The following MACF1 variants were observed in gnomAD, a reference collection of about 807,000 sequenced individuals.
The protein encoded by MACF1 is microtubule-actin cross-linking factor 1.
MACF1 carries 193 observed loss-of-function variants against 854.8 expected under a neutral mutation model. The observed-to-expected ratio is 0.23, with a 90% CI of 0.20 to 0.25. The LOEUF (loss-of-function observed/expected upper bound fraction) is 0.25. Ranked by LOEUF, MACF1 falls within the 10% of genes least tolerant of loss-of-function variation. The pLI, the probability that MACF1 is intolerant of heterozygous loss-of-function variation, is 1.00. For missense variants in MACF1, 7,722 were observed against 8,929.1 expected, an observed-to-expected ratio of 0.86 and a Z score of 5.45; for synonymous variants, 3,185 against 3,226.7, an observed-to-expected ratio of 0.99 and a Z score of 0.44.
chr1:39,192,900 A>G (rs1571157226), intron 2 of MACF1, among the ~76,000 whole-genome samples: 2 of 152,350 alleles, frequency 1.3e-5, no homozygotes, highest in Admixed American at 6.5e-5. Flanking sequence ...ACCTGAGGTC[A>G]GGAGTTCGAG....
intron 2 of MACF1, among the ~76,000 whole-genome samples, chr1:39,111,483 T>C (rs11205649): frequency 0.97 from 148,050 of 151,928 alleles, 72,227 homozygotes; most frequent in South Asian, 1. Flanking sequence ...CCCAGGTTCA[T>C]GCCATTCTCC....
chr1:39,306,428 C>T (rs750961651), intron 23 of MACF1, among the ~76,000 whole-genome samples: 11 of 151,856 alleles, frequency 7.2e-5, no homozygotes, highest in Non-Finnish European at 1.6e-4. Flanking sequence ...GCACCTGGCC[C>T]CTGTTTTATT....
At chr1:39,483,254 T>C (rs1645049210) in intron 99 of MACF1, among the ~76,000 whole-genome samples, 1 of 152,182 alleles carries the variant, frequency 6.6e-6, no homozygotes, top group African/African-American at 2.4e-5. Flanking sequence ...TGGGAAATGC[T>C]TCTATTCATC....
intron 27 of MACF1, among the ~76,000 whole-genome samples, chr1:39,315,991 A>C (rs1278645823): frequency 2.6e-5 from 4 of 152,232 alleles, no homozygotes; most frequent in Non-Finnish European, 5.9e-5. Flanking sequence ...AAGACAAAGG[A>C]AGAGACACTA....
Position 39,283,994 on chromosome 1 carries a change from C to G in MACF1, c.916-72C>G, listed in dbSNP as rs889946336. ...TGGATTTTATATAGTTTGGAGTGGC[C>G]TGAGCTACTTTCTCTTGTGCTTGTT... On this transcript the variant is annotated intron_variant, in intron 9 of 100. Coordinates refer to ENST00000564288, the MANE Select transcript of MACF1 (RefSeq NM_001394062.1). This position sits in a 1 kb window ranked among gnomAD's most constrained non-coding sequence, Gnocchi z 4.5. 102 of 1,554,986 alleles carry G rather than the reference C, an allele frequency of 6.6e-5. No individual in the cohort carries two copies. The highest frequency in any genetic ancestry group is 8.6e-5 in the Non-Finnish European group (98 of 1,139,624).
At chr1:39,134,014 A>G (rs1643090074) in intron 2 of MACF1, among the ~76,000 whole-genome samples, 1 of 129,090 alleles carries the variant, frequency 7.7e-6, no homozygotes, top group Admixed American at 8.0e-5. Flanking sequence ...GTTCTTAGAT[A>G]TTATCATCAG....
chr1:39,141,964 G>C (rs1052185202), intron 2 of MACF1, among the ~76,000 whole-genome samples: 3 of 152,186 alleles, frequency 2.0e-5, no homozygotes, highest in Admixed American at 6.5e-5. Context: ...TGTGCTCTCT[G>C]TTTGCCAAAG....
At chr1:39,356,689 T>G (rs940060676) in intron 44 of MACF1, among the ~76,000 whole-genome samples, 3 of 152,200 alleles carry the variant, frequency 2.0e-5, no homozygotes, top group African/African-American at 7.2e-5. Flanking sequence ...AATTTTTATA[T>G]TGTCACATGT....
intron 58 of MACF1, 111 bp from the exon 59 acceptor site, chr1:39,422,263 C>T (rs1643570358): frequency 9.0e-6 from 7 of 776,414 alleles, no homozygotes; most frequent in African/African-American, 1.8e-5. Flanking sequence ...TCTTTTTATT[C>T]CTGGTCGTCT....
At chr1:39,179,500 T>G (rs1286981473) in intron 2 of MACF1, among the ~76,000 whole-genome samples, 2 of 152,222 alleles carry the variant, frequency 1.3e-5, no homozygotes, top group African/African-American at 4.8e-5. Flanking sequence ...TAAGTCTTAG[T>G]TTCCTGTTCT....
chr1:39,460,589 G>C lies in MACF1; in HGVS notation c.21361-43G>C. 3 of 1,599,374 alleles carry C rather than the reference G, an allele frequency of 1.9e-6. No individual in the cohort carries two copies. Among genetic ancestry groups the C allele is most frequent in the Non-Finnish European group, 2.6e-6 (3 of 1,167,524 alleles). ...GGTATGCTCTGGGCAGCTTTTGAGGGCCCAAAAAATAAATCTTATTGACAC... is the reference window on the plus strand; with the variant it reads ...GGTATGCTCTGGGCAGCTTTTGAGGCCCCAAAAAATAAATCTTATTGACAC... On this transcript the variant is annotated intron_variant, in intron 91 of 100. Coordinates refer to ENST00000564288, the MANE Select transcript of MACF1 (RefSeq NM_001394062.1). This position sits in a 1 kb window ranked among gnomAD's most constrained non-coding sequence, Gnocchi z 4.1.
In MACF1 at chr1:39,334,071, G is replaced by T; in HGVS notation, c.7483G>T (p.Val2495Phe). 1 of 1,614,138 alleles carries T rather than the reference G, an allele frequency of 6.2e-7. No individual in the cohort carries two copies. Among genetic ancestry groups the T allele is most frequent in the Non-Finnish European group, 8.5e-7 (1 of 1,180,012 alleles). ...DRGLLEREEA[V>F]RLLTKQVVDG... Reference sequence around the variant, plus strand: ...AGGTCTTTTGGAGAGAGAGGAGGCCGTTCGTTTGTTGACTAAGCAAGTGGT... The same window carrying T: ...AGGTCTTTTGGAGAGAGAGGAGGCCTTTCGTTTGTTGACTAAGCAAGTGGT... Residue 2495 changes from valine to phenylalanine, a missense_variant, in exon 37 of 101, where the codon GTT becomes TTT. Physicochemically the swap from Val to Phe is conservative, Grantham distance 50 (BLOSUM62 -1). Transcript: ENST00000564288.
chr1:39,285,112 G>T lies in MACF1; in HGVS notation c.1161G>T (p.Leu387=). Residue 387 remains leucine, a synonymous_variant, in exon 12 of 101, where the codon CTG becomes CTT. Transcript: ENST00000564288. ...GGATTGAATTTGGCCGAATTAAACT[G>T]CCTCAAGGTTATCACCCTAATGATG... ...EVWIEFGRIK[L]PQGYHPNDVE... 1 of 1,614,164 alleles carries T rather than the reference G, an allele frequency of 6.2e-7. No homozygotes were observed. Among genetic ancestry groups the T allele is most frequent in the South Asian group, 1.1e-5 (1 of 91,078 alleles).
At chr1:39,151,368 G>T (rs902904488) in intron 2 of MACF1, among the ~76,000 whole-genome samples, 3 of 152,022 alleles carry the variant, frequency 2.0e-5, no homozygotes, top group Admixed American at 2.0e-4. Flanking sequence ...TTTCGTTACT[G>T]CCAGAATGCT....
intron 2 of MACF1, among the ~76,000 whole-genome samples, chr1:39,148,416 A>G (rs1643509834): frequency 6.6e-6 from 1 of 152,206 alleles, no homozygotes; most frequent in Non-Finnish European, 1.5e-5. Context: ...TGTTTGTTGT[A>G]GGAAGATTTT....
chr1:39,365,269 G>T lies in MACF1; in HGVS notation c.12772-2879G>T, dbSNP rs138327426. ...TTTTTTGTATTTTTAGTAGAGATGG[G>T]GTTTCACCATGTTAGCCAGGATGGT... On this transcript the variant is annotated intron_variant, in intron 49 of 100. Coordinates refer to ENST00000564288, the MANE Select transcript of MACF1 (RefSeq NM_001394062.1). Among the ~76,000 whole-genome samples the T allele has an allele frequency of 6.6e-4, 100 of 151,900 alleles. No individual in the cohort carries two copies. In the East Asian group the frequency reaches 0.017, roughly 26 times the overall value.
intron 16 of MACF1, 27 bp from the exon 17 acceptor site, chr1:39,292,739 A>G (rs902947260): frequency 3.9e-6 from 6 of 1,525,714 alleles, no homozygotes; most frequent in Non-Finnish European, 4.5e-6. Flanking sequence ...TCTCTAATGT[A>G]TTTTTATTTC....
chr1:39,276,752 A>G (rs1241116135), intron 6 of MACF1, among the ~76,000 whole-genome samples: 1 of 152,184 alleles, frequency 6.6e-6, no homozygotes, highest in East Asian at 1.9e-4. Flanking sequence ...CATGTGACCT[A>G]CCATAGATAT....
At chr1:39,484,510 A>G (rs1225119196) in intron 99 of MACF1, 91 bp from the exon 100 acceptor site, 2 of 1,134,112 alleles carry the variant, frequency 1.8e-6, no homozygotes, top group Non-Finnish European at 2.5e-6. Context: ...AACTAAGCAA[A>G]TATAAGGAGG....
Sources: allele counts gnomAD v4.1 joint callset (sites outside exome capture counted in the v4.1 genomes callset), GRCh38; gene constraint gnomAD v4.1.1; non-coding constraint Gnocchi (gnomAD v3.1); transcripts MANE v1.5; gene names NCBI Gene and HGNC (gene_info 2026-07-23, HGNC 2026-07-21).